SBF2: variants seen among roughly 807,000 people sequenced by gnomAD.
The protein encoded by SBF2 is myotubularin-related protein 13.
In SBF2, 112 loss-of-function variants were observed where a neutral mutation model predicts 225.2. The ratio of observed to expected loss-of-function variants is 0.50; its 90% CI spans 0.43 to 0.58. The LOEUF is 0.58. Ranked by LOEUF, SBF2 falls within the 20% of genes least tolerant of loss-of-function variation. SBF2 has a pLI of 0.00. For missense variants in SBF2, 1,996 were observed against 2,206.2 expected (o/e 0.90, Z 1.91); for synonymous variants, 763 against 773.3 (o/e 0.99, Z 0.22).
At chr11:9,931,268 C>T (rs1171464026) in intron 16 of SBF2, among the ~76,000 whole-genome samples, 5 of 152,248 alleles carry the variant, frequency 3.3e-5, no homozygotes, top group East Asian at 1.9e-4. Context: ...TCCAGAATGG[C>T]GGCTGAGCTC....
In SBF2 at chr11:9,826,882, T is replaced by C. The variant is rs577851423; in HGVS notation, c.3793+2474A>G. ...CTTGTTGCCCAGCAATGGTGCGATC[T>C]TGGCTCTATGCAACCTCTGCCTCCC... On this transcript the variant is annotated intron_variant, in intron 28 of 39. Coordinates refer to ENST00000256190, the MANE Select transcript of SBF2 (RefSeq NM_030962.4). Among the ~76,000 whole-genome samples the C allele has an allele frequency of 2.7e-3, 408 of 152,202 alleles. 3 individuals carry two copies. The highest frequency in any genetic ancestry group is 4.5e-3 in the Non-Finnish European group (303 of 67,996).
chr11:9,811,570 C>G (rs1242071388), intron 30 of SBF2, among the ~76,000 whole-genome samples: 3 of 152,172 alleles, frequency 2.0e-5, no homozygotes, highest in African/African-American at 7.2e-5. Flanking sequence ...CGACCAGTTC[C>G]TTCCACGGGT....
intron 16 of SBF2, among the ~76,000 whole-genome samples, chr11:9,903,299 G>A (rs1861872923): frequency 6.6e-6 from 1 of 151,968 alleles, no homozygotes; most frequent in African/African-American, 2.4e-5. Context: ...ACCAGCCTGG[G>A]CGACAGAGCA....
At chr11:9,816,332 T>C (rs975310928) in intron 29 of SBF2, among the ~76,000 whole-genome samples, 1 of 152,322 alleles carries the variant, frequency 6.6e-6, no homozygotes, top group East Asian at 1.9e-4. Flanking sequence ...TCTTTCTATA[T>C]AGCTTTGCGA....
At chr11:10,096,820 A>T (rs1314058133) in intron 2 of SBF2, among the ~76,000 whole-genome samples, 5 of 152,198 alleles carry the variant, frequency 3.3e-5, no homozygotes, top group Non-Finnish European at 7.4e-5. Flanking sequence ...TATAAAGTAC[A>T]AAACAATTTG....
Position 10,176,337 on chromosome 11 carries a change from G to A in SBF2, c.141+17565C>T, listed in dbSNP as rs1457007626. ...CTAGCAGAAGGCAAGAAATAACTAA[G>A]ATCAGAGCAGAACTGAAGGAAATAG... On this transcript the variant is annotated intron_variant, in intron 2 of 39. Transcript: ENST00000256190. Among the ~76,000 whole-genome samples, 98 of 151,420 alleles carry A rather than the reference G, an allele frequency of 6.5e-4. 1 individual carries two copies. The highest frequency in any genetic ancestry group is 3.9e-3 in the East Asian group (20 of 5,156).
chr11:10,062,112 G>C (rs1028909352), intron 2 of SBF2, among the ~76,000 whole-genome samples: 3 of 151,924 alleles, frequency 2.0e-5, no homozygotes, highest in African/African-American at 7.2e-5. Flanking sequence ...CTCCCTAAAT[G>C]GTACTGGGAT....
intron 2 of SBF2, among the ~76,000 whole-genome samples, chr11:10,171,330 T>C (rs1459162596): frequency 4.6e-5 from 7 of 152,212 alleles, no homozygotes; most frequent in African/African-American, 1.7e-4. Context: ...ACCCAGTTTT[T>C]AAACAGTTTG....
chr11:10,039,672 C>T (rs949993155), intron 3 of SBF2, among the ~76,000 whole-genome samples: 5 of 151,724 alleles, frequency 3.3e-5, no homozygotes, highest in Non-Finnish European at 5.9e-5. Flanking sequence ...ATACAAGAAC[C>T]CAGATCTTAG....
At chr11:9,839,186 G>T (rs1011899371) in intron 26 of SBF2, 2 of 378,882 alleles carry the variant, frequency 5.3e-6, no homozygotes, top group Non-Finnish European at 1.0e-5. Flanking sequence ...GTCCTCTATT[G>T]GGCTGGGAAA....
chr11:9,795,681 T>C (rs1003927586), intron 33 of SBF2, 150 bp downstream of exon 33: 2 of 835,344 alleles, frequency 2.4e-6, no homozygotes, highest in African/African-American at 1.7e-5. Context: ...ATTTCAGAAT[T>C]TGGCCACTTA....
chr11:9,852,903 A>G (rs1162611629), intron 20 of SBF2, among the ~76,000 whole-genome samples, 154 bp from the exon 21 acceptor site: 1 of 152,220 alleles, frequency 6.6e-6, no homozygotes, highest in Non-Finnish European at 1.5e-5. Context: ...TTCCACTTCT[A>G]CATATATACC....
intron 13 of SBF2, among the ~76,000 whole-genome samples, chr11:9,986,430 G>C (rs954177207): frequency 6.6e-6 from 1 of 151,612 alleles, no homozygotes; most frequent in East Asian, 1.9e-4. Context: ...AAATAACCAG[G>C]ATCAGAGCAG....
intron 2 of SBF2, among the ~76,000 whole-genome samples, chr11:10,112,217 C>T (rs1414390815): frequency 6.6e-6 from 1 of 152,174 alleles, no homozygotes; most frequent in Non-Finnish European, 1.5e-5. Flanking sequence ...GCACTTACCA[C>T]CTGATATGGT....
At chr11:10,187,105 G>A (rs1226994489) in intron 2 of SBF2, among the ~76,000 whole-genome samples, 1 of 152,032 alleles carries the variant, frequency 6.6e-6, no homozygotes, top group Admixed American at 6.6e-5. Context: ...AATAGAATAT[G>A]GATAATATAT....
At chr11:9,818,911 G>A (rs1191235970) in intron 28 of SBF2, among the ~76,000 whole-genome samples, 2 of 151,808 alleles carry the variant, frequency 1.3e-5, no homozygotes, top group East Asian at 3.9e-4. Context: ...TAGTAGAGAT[G>A]GGGTTTCACC....
rs1047368339 is a variant in SBF2, at chr11:10,229,699, C to G, written c.56-35712G>C. ...GAGATAGTTTCTGATAATTTCTGTT[C>G]TTTTACATTTGCTGAGCAGTGCTTT... On this transcript the variant is annotated intron_variant, in intron 1 of 39. Coordinates refer to ENST00000256190, the MANE Select transcript of SBF2 (RefSeq NM_030962.4). Among the ~76,000 whole-genome samples the G allele has an allele frequency of 3.9e-4, 60 of 152,130 alleles. 1 individual carries two copies. Among genetic ancestry groups the G allele is most frequent in the Admixed American group, 3.4e-3 (52 of 15,272 alleles).
At chr11:10,221,121 CTTTTT>C (rs58196333) in intron 1 of SBF2, among the ~76,000 whole-genome samples, 1 of 138,644 alleles carries the variant, frequency 7.2e-6, no homozygotes, top group African/African-American at 2.6e-5. Flanking sequence ...CTGTTACTTC[CTTTTT>C]TTTTTTTTTT....
intron 29 of SBF2, among the ~76,000 whole-genome samples, chr11:9,816,284 G>C (rs965269629): frequency 6.6e-6 from 1 of 152,166 alleles, no homozygotes; most frequent in Non-Finnish European, 1.5e-5. Flanking sequence ...TTAGCATCTA[G>C]TATTTTGAAT....
Sources: allele counts gnomAD v4.1 joint callset (sites outside exome capture counted in the v4.1 genomes callset), GRCh38; gene constraint gnomAD v4.1.1; transcripts MANE v1.5; gene names NCBI Gene and HGNC (gene_info 2026-07-23, HGNC 2026-07-21).